Variants in TBC1D5 observed in about 807,000 individuals in gnomAD.
The protein encoded by TBC1D5 is TBC1 domain family, member 5.
TBC1D5 carries 75 observed loss-of-function variants against 100.3 expected under a neutral mutation model. That is an observed-to-expected ratio of 0.75 (90% CI 0.62 to 0.91). The LOEUF (loss-of-function observed/expected upper bound fraction) is 0.91. Ranked by LOEUF, TBC1D5 falls within the 40% of genes least tolerant of loss-of-function variation. The pLI is 0.00. For missense variants in TBC1D5, 910 were observed against 942.4 expected (o/e 0.97, Z 0.45); for synonymous variants, 323 against 325.6 (o/e 0.99, Z 0.09).
intron 3 of TBC1D5, among the ~76,000 whole-genome samples, chr3:17,500,236 ATC>A (rs1240974572): frequency 6.7e-6 from 1 of 149,562 alleles, no homozygotes; most frequent in African/African-American, 2.5e-5. Context: ...TGAAAAGCAG[ATC>A]TAATTAATAA....
intron 1 of TBC1D5, among the ~76,000 whole-genome samples, chr3:17,638,610 A>C (rs750466828): frequency 6.6e-6 from 1 of 152,308 alleles, no homozygotes; most frequent in Admixed American, 6.5e-5. Flanking sequence ...TAACTTTTGC[A>C]ACAGTACAGA....
chr3:17,351,813 G>GA (rs879802026), intron 13 of TBC1D5, among the ~76,000 whole-genome samples: 66 of 100,944 alleles, frequency 6.5e-4, no homozygotes, highest in East Asian at 4.0e-3. Context: ...GAAAAGAAAG[G>GA]AAAAAAAAAA....
chr3:17,249,821 A>G (rs1263449498), intron 16 of TBC1D5, among the ~76,000 whole-genome samples: 1 of 152,350 alleles, frequency 6.6e-6, no homozygotes, highest in East Asian at 1.9e-4. Context: ...TGGAGCAGTC[A>G]GAACACACAC....
chr3:17,552,696 T>C (rs2096484243), intron 2 of TBC1D5, among the ~76,000 whole-genome samples: 1 of 151,888 alleles, frequency 6.6e-6, no homozygotes, highest in African/African-American at 2.4e-5. Context: ...TTTCAAAAAG[T>C]TGATGAGATG....
intron 13 of TBC1D5, among the ~76,000 whole-genome samples, chr3:17,327,774 C>T (rs2086334091): frequency 6.6e-6 from 1 of 152,152 alleles, no homozygotes. Context: ...CCCACTATAA[C>T]AGCAAGTTCG....
chr3:17,681,908 T>TTCG (rs1424894561), intron 1 of TBC1D5, among the ~76,000 whole-genome samples: 1 of 151,566 alleles, frequency 6.6e-6, no homozygotes, highest in Non-Finnish European at 1.5e-5. Flanking sequence ...ATCAGCAGCA[T>TTCG]TAGATTCTCA....
chr3:17,654,972 T>C (rs2065916625), intron 1 of TBC1D5, among the ~76,000 whole-genome samples: 2 of 151,942 alleles, frequency 1.3e-5, no homozygotes, highest in Non-Finnish European at 2.9e-5. Context: ...TATTCTCTGA[T>C]GGTAGTTTGT....
chr3:17,638,525 A>G (rs750728885), intron 1 of TBC1D5, among the ~76,000 whole-genome samples: 5 of 152,132 alleles, frequency 3.3e-5, no homozygotes, highest in Non-Finnish European at 5.9e-5. Flanking sequence ...CTGACTTAGG[A>G]AAAAATTGCC....
At chr3:17,242,404 T>A (rs1319972472) in intron 16 of TBC1D5, among the ~76,000 whole-genome samples, 1 of 152,122 alleles carries the variant, frequency 6.6e-6, no homozygotes, top group Non-Finnish European at 1.5e-5. Flanking sequence ...TGTTAGATGC[T>A]TAGCTATACT....
At chr3:17,478,291 T>C (rs2095462183) in intron 3 of TBC1D5, among the ~76,000 whole-genome samples, 1 of 152,214 alleles carries the variant, frequency 6.6e-6, no homozygotes, top group Admixed American at 6.5e-5. Context: ...TGTTCATTTA[T>C]TTTTGAATTA....
chr3:17,348,483 G>A (rs995817704), intron 13 of TBC1D5, among the ~76,000 whole-genome samples: 1 of 152,186 alleles, frequency 6.6e-6, no homozygotes, highest in African/African-American at 2.4e-5. Flanking sequence ...ACTACACTCT[G>A]AGTAGTAAGG....
At chr3:17,735,766 C>T (rs2076916974) in intron 1 of TBC1D5, among the ~76,000 whole-genome samples, 1 of 152,212 alleles carries the variant, frequency 6.6e-6, no homozygotes, top group South Asian at 2.1e-4. Flanking sequence ...AGCGGACACC[C>T]TGCTGGATCT....
intron 13 of TBC1D5, among the ~76,000 whole-genome samples, chr3:17,334,223 C>G (rs2087325436): frequency 1.3e-5 from 2 of 151,980 alleles, no homozygotes; most frequent in Admixed American, 6.6e-5. Context: ...AGAGTAGAGA[C>G]AGATACTACC....
chr3:17,488,818 G>A (rs1282264878), intron 3 of TBC1D5, among the ~76,000 whole-genome samples: 1 of 151,898 alleles, frequency 6.6e-6, no homozygotes, highest in Non-Finnish European at 1.5e-5. Flanking sequence ...AATAGGAAGT[G>A]AGTGGTGGGC....
intron 2 of TBC1D5, among the ~76,000 whole-genome samples, chr3:17,597,082 A>G (rs116648241): frequency 6.6e-6 from 1 of 152,202 alleles, no homozygotes; most frequent in African/African-American, 2.4e-5. Flanking sequence ...TTCAAGGCTT[A>G]TCTGTGAAGT....
At chr3:17,479,854 GA>G (rs2095480926) in intron 3 of TBC1D5, among the ~76,000 whole-genome samples, 1 of 152,200 alleles carries the variant, frequency 6.6e-6, no homozygotes, top group Non-Finnish European at 1.5e-5. Context: ...GAACCTGCGG[GA>G]GCGAGGGACA....
chr3:17,534,175 T>C (rs1576565764), intron 2 of TBC1D5, among the ~76,000 whole-genome samples: 1 of 152,140 alleles, frequency 6.6e-6, no homozygotes, highest in East Asian at 1.9e-4. Flanking sequence ...CAGAATAACA[T>C]CACTTTCATT....
chr3:17,321,894 A>G (rs1381370969), intron 13 of TBC1D5, among the ~76,000 whole-genome samples: 1 of 152,230 alleles, frequency 6.6e-6, no homozygotes, highest in African/African-American at 2.4e-5. Flanking sequence ...CAGTACAGAG[A>G]GTTGGATATA....
At chr3:17,379,291 G>T (rs371747787) in intron 9 of TBC1D5, among the ~76,000 whole-genome samples, 1 of 151,910 alleles carries the variant, frequency 6.6e-6, no homozygotes, top group African/African-American at 2.4e-5. Context: ...TTCTTACTAG[G>T]TTTATCATGA....
Sources: gnomAD v4.1 joint callset for allele counts (sites outside exome capture counted in the v4.1 genomes callset) on GRCh38, gnomAD v4.1.1 for gene constraint, MANE v1.5 for transcripts, NCBI Gene and HGNC (gene_info 2026-07-23, HGNC 2026-07-21) for gene names.